The following NOL4 variants were observed in gnomAD, a reference collection of about 807,000 sequenced individuals.
NOL4 encodes nucleolar protein 4.
Under a neutral mutation model 75.9 loss-of-function variants are expected in NOL4, and 17 were observed. The observed-to-expected ratio is 0.22, with a 90% CI of 0.15 to 0.34. The LOEUF (loss-of-function observed/expected upper bound fraction) is 0.34. Ranked by LOEUF, NOL4 falls within the 10% of genes least tolerant of loss-of-function variation. The pLI is 1.00. For missense variants in NOL4, 614 were observed against 793.5 expected (o/e 0.77, Z 2.72); for synonymous variants, 292 against 289.9 (o/e 1.01, Z -0.07).
intron 1 of NOL4, among the ~76,000 whole-genome samples, chr18:34,153,899 G>A (rs777095369): frequency 1.7e-4 from 26 of 151,964 alleles, no homozygotes; most frequent in Non-Finnish European, 2.9e-4. Flanking sequence ...AAAAGTGAAA[G>A]TAACATACAG....
At chr18:33,979,333 A>T (rs1054511475) in intron 6 of NOL4, among the ~76,000 whole-genome samples, 2 of 152,048 alleles carry the variant, frequency 1.3e-5, no homozygotes, top group African/African-American at 4.8e-5. Context: ...CTTTACAGTT[A>T]TTTTATTGAA....
chr18:34,219,129 T>C lies in NOL4; in HGVS notation c.264+3861A>G, dbSNP rs141743654. On this transcript the variant is annotated intron_variant, in intron 1 of 10. Coordinates refer to ENST00000261592, the MANE Select transcript of NOL4 (RefSeq NM_003787.5). ...AACTGAATAAATCATCATTTGTAAA[T>C]AGCACAACTAAAGATAATGCATTTT... Among the ~76,000 whole-genome samples the C allele has an allele frequency of 5.7e-3, 869 of 152,314 alleles. 9 individuals carry two copies. Among genetic ancestry groups the C allele is most frequent in the African/African-American group, 0.02 (826 of 41,568 alleles).
At chr18:34,169,877 T>C (rs1190330329) in intron 1 of NOL4, among the ~76,000 whole-genome samples, 1 of 152,150 alleles carries the variant, frequency 6.6e-6, no homozygotes, top group East Asian at 1.9e-4. Flanking sequence ...GGACAAAATT[T>C]TACTATATTT....
At chr18:33,960,749 T>C (rs2070047298) in intron 6 of NOL4, among the ~76,000 whole-genome samples, 1 of 152,174 alleles carries the variant, frequency 6.6e-6, no homozygotes, top group South Asian at 2.1e-4. Context: ...CCCATGCAGT[T>C]TGGCTCTGAG....
At chr18:33,988,849 T>C (rs1469760979) in intron 6 of NOL4, among the ~76,000 whole-genome samples, 3 of 151,970 alleles carry the variant, frequency 2.0e-5, no homozygotes, top group Non-Finnish European at 2.9e-5. Context: ...CTGCGGGCAA[T>C]GGAACCAAGT....
intron 5 of NOL4, among the ~76,000 whole-genome samples, chr18:34,026,680 A>G (rs1207440306): frequency 6.6e-6 from 1 of 152,120 alleles, no homozygotes; most frequent in Non-Finnish European, 1.5e-5. Context: ...TATTATTATA[A>G]ACGATATTTT....
chr18:34,053,983 G>A (rs1205228849), intron 5 of NOL4, among the ~76,000 whole-genome samples: 2 of 151,838 alleles, frequency 1.3e-5, no homozygotes, highest in African/African-American at 4.8e-5. Flanking sequence ...ATGTTTATGA[G>A]TAAGATGAAA....
intron 2 of NOL4, among the ~76,000 whole-genome samples, chr18:34,105,443 T>C (rs1447371525): frequency 6.6e-6 from 1 of 152,020 alleles, no homozygotes; most frequent in African/African-American, 2.4e-5. Flanking sequence ...ATAATCACAG[T>C]GTACAGATGT....
In NOL4 at chr18:34,129,991, A is replaced by G; in HGVS notation, c.294T>C (p.Ser98=). ...TDGVGVDEKL[S]LRRVAVVEDF... ...CTTCAACCACAGCTACCCGTCGTAA[A>G]GATAGCTTCTCATCTACCCCTACGC... Residue 98 remains serine, a synonymous_variant, in exon 2 of 11, where the codon TCT becomes TCC. Coordinates refer to ENST00000261592, the MANE Select transcript of NOL4 (RefSeq NM_003787.5). 1 of 1,598,550 alleles carries G rather than the reference A, an allele frequency of 6.3e-7. No individual in the cohort carries two copies. Among genetic ancestry groups the G allele is most frequent in the Non-Finnish European group, 8.5e-7 (1 of 1,171,790 alleles).
intron 10 of NOL4, among the ~76,000 whole-genome samples, chr18:33,862,227 C>G (rs2063179514): frequency 1.3e-5 from 2 of 152,010 alleles, no homozygotes; most frequent in Admixed American, 6.6e-5. Flanking sequence ...ATGTAGAAAG[C>G]TGAAACTGGA....
rs545718169 is a variant in NOL4, at chr18:34,013,554, T to C, written c.1056+5764A>G. Reference sequence around the variant, plus strand: ...CACTCTAGTCTCCAGACTTAAATCATCATCTTCCATCTTCAGCATTTCTAG... The same window carrying C: ...CACTCTAGTCTCCAGACTTAAATCACCATCTTCCATCTTCAGCATTTCTAG... On this transcript the variant is annotated intron_variant, in intron 6 of 10. Coordinates refer to ENST00000261592, the MANE Select transcript of NOL4 (RefSeq NM_003787.5). Among the ~76,000 whole-genome samples the C allele has an allele frequency of 1.7e-3, 253 of 152,092 alleles. 1 individual carries two copies. Among genetic ancestry groups the C allele is most frequent in the African/African-American group, 5.8e-3 (240 of 41,552 alleles).
rs139231829 is a variant in NOL4 at position 33,913,405 on chromosome 18, G to C, written c.1542+29660C>G. Among the ~76,000 whole-genome samples the C allele has an allele frequency of 4.1e-4, 63 of 152,228 alleles. No homozygotes were observed. In the East Asian group the frequency reaches 0.011, roughly 28 times the overall value. On this transcript the variant is annotated intron_variant, in intron 9 of 10. Transcript: ENST00000261592. ...AGATTAATCCAATCATCAGTGTTTG[G>C]ATGTCGTCATTCCATTAGATGTGAA...
intron 10 of NOL4, 115 bp from the exon 11 acceptor site, chr18:33,853,150 T>A: frequency 1.2e-6 from 1 of 868,610 alleles, no homozygotes; most frequent in Non-Finnish European, 1.7e-6. Context: ...CACAAGAAGC[T>A]AGTGATCTCT....
chr18:33,885,450 T>C (rs565908824), intron 9 of NOL4, among the ~76,000 whole-genome samples: 2 of 152,038 alleles, frequency 1.3e-5, no homozygotes, highest in East Asian at 3.9e-4. Flanking sequence ...AACCAGAATA[T>C]ATAAAGAGCT....
chr18:33,941,932 G>C (rs1460260989), intron 9 of NOL4, among the ~76,000 whole-genome samples: 2 of 151,856 alleles, frequency 1.3e-5, no homozygotes, highest in African/African-American at 4.8e-5. Context: ...CTGGTGGCAC[G>C]ATTAGCACAT....
At chr18:33,864,169 T>G (rs2063320028) in intron 10 of NOL4, among the ~76,000 whole-genome samples, 1 of 152,204 alleles carries the variant, frequency 6.6e-6, no homozygotes, top group Non-Finnish European at 1.5e-5. Flanking sequence ...TGGGAGTTAC[T>G]GCTGCCAAGA....
At chr18:33,893,310 CTGTT>C (rs2065208172) in intron 9 of NOL4, among the ~76,000 whole-genome samples, 1 of 152,120 alleles carries the variant, frequency 6.6e-6, no homozygotes, top group Non-Finnish European at 1.5e-5. Context: ...CATTGGCACA[CTGTT>C]TGAGAAAACA....
At chr18:34,158,423 G>T (rs1437058516) in intron 1 of NOL4, among the ~76,000 whole-genome samples, 3 of 152,096 alleles carry the variant, frequency 2.0e-5, no homozygotes, top group Non-Finnish European at 4.4e-5. Flanking sequence ...CCACCCTCGA[G>T]TTCAAAAACA....
chr18:34,093,569 A>T lies in NOL4; in HGVS notation c.668T>A (p.Phe223Tyr), dbSNP rs1008761439. 3.8e-5 allele frequency: 61 copies of T among 1,596,024 alleles called. 1 individual carries two copies. In the Admixed American group the frequency reaches 9.2e-4, roughly 24 times the overall value. The part of the protein sequence containing the change: ...EDESSIESDE[F>Y]DMSDSTRMSA... Reference sequence around the variant, plus strand: ...CATCCGTGTTGAATCACTCATGTCAAATTCATCACTTTCTATTGAACTTTC... The same window carrying T: ...CATCCGTGTTGAATCACTCATGTCATATTCATCACTTTCTATTGAACTTTC... Residue 223 changes from phenylalanine to tyrosine, a missense_variant, in exon 5 of 11, where the codon TTT becomes TAT. Physicochemically the swap from Phe to Tyr is conservative, Grantham distance 22. Transcript: ENST00000261592.
Sources: allele counts gnomAD v4.1 joint callset (sites outside exome capture counted in the v4.1 genomes callset), GRCh38; gene constraint gnomAD v4.1.1; transcripts MANE v1.5; gene names NCBI Gene and HGNC (gene_info 2026-07-23, HGNC 2026-07-21).